Variants in PCDHA2 observed in about 807,000 individuals in gnomAD.
The protein encoded by PCDHA2 is protocadherin alpha 2.
In PCDHA2, 58 loss-of-function variants were observed where a neutral mutation model predicts 66.0. The ratio of observed to expected loss-of-function variants is 0.88; its 90% CI spans 0.71 to 1.09. The LOEUF (loss-of-function observed/expected upper bound fraction) is 1.09. PCDHA2 is among the 50% of genes least tolerant of loss of function. PCDHA2 has a pLI of 0.00. For missense variants in PCDHA2, 1,267 were observed against 1,242.3 expected (o/e 1.02, Z -0.30); for synonymous variants, 634 against 554.0 (o/e 1.14, Z -2.03).
chr5:140,927,450 G>A (rs782619485), intron 1 of PCDHA2: 3 of 1,614,188 alleles, frequency 1.9e-6, no homozygotes, highest in South Asian at 1.1e-5. Context: ...CGGAGTTGGT[G>A]TTGGAGAAAG....
intron 1 of PCDHA2, chr5:140,822,495 A>C (rs2150116798): frequency 6.2e-7 from 1 of 1,613,888 alleles, no homozygotes; most frequent in Non-Finnish European, 8.5e-7. Context: ...ACGCCCCAGA[A>C]TTTGATAAAT....
chr5:140,817,760 A>C (rs1766196831), intron 1 of PCDHA2, among the ~76,000 whole-genome samples: 2 of 152,206 alleles, frequency 1.3e-5, no homozygotes, highest in African/African-American at 4.8e-5. Context: ...TTCTGAAGAA[A>C]TTAACATTTC....
chr5:140,852,129 C>T (rs2042245206), intron 1 of PCDHA2: 2 of 891,056 alleles, frequency 2.2e-6, no homozygotes, highest in South Asian at 5.1e-5. Context: ...ATTAAAAACT[C>T]AGTAGAGAAA....
intron 1 of PCDHA2, chr5:140,862,879 G>T: frequency 1.8e-6 from 1 of 567,506 alleles, no homozygotes. Context: ...AGGTATTAGT[G>T]CTGGAACGAC....
intron 1 of PCDHA2, chr5:140,869,778 C>T (rs782226363): frequency 4.0e-5 from 65 of 1,612,804 alleles, no homozygotes; most frequent in Admixed American, 5.0e-5. Flanking sequence ...TTACTGGCAC[C>T]GTTCGGCTGT....
In PCDHA2 at chr5:140,869,686, A is replaced by T. The variant is rs782130952; in HGVS notation, c.2388+72334A>T. ...TAAGCAGATTAAAAGACTGTCACTT[A>T]TTTTAAAGAAGTCTCTGGATAGAGA... On this transcript the variant is annotated intron_variant, in intron 1 of 3. Transcript: ENST00000526136. The T allele has an allele frequency of 5.6e-6, 9 of 1,613,330 alleles. No homozygotes were observed. In the African/African-American group the frequency reaches 1.2e-4, roughly 22 times the overall value.
intron 1 of PCDHA2, among the ~76,000 whole-genome samples, chr5:140,951,086 T>A (rs2094547457): frequency 6.6e-6 from 1 of 152,066 alleles, no homozygotes; most frequent in Admixed American, 6.5e-5. Context: ...ATTTTCCTTT[T>A]TTTCTGATAA....
chr5:140,890,772 C>T (rs2062796545), intron 1 of PCDHA2, among the ~76,000 whole-genome samples: 1 of 152,118 alleles, frequency 6.6e-6, no homozygotes, highest in South Asian at 2.1e-4. Context: ...TATTTTAAAA[C>T]CCCATAAGAT....
intron 2 of PCDHA2, among the ~76,000 whole-genome samples, chr5:140,981,879 A>G (rs1472110145): frequency 3.9e-5 from 6 of 152,158 alleles, no homozygotes; most frequent in Non-Finnish European, 7.3e-5. Context: ...TGCTGAATTA[A>G]TCTCTTCTGA....
At chr5:141,003,750 A>T (rs868985181) in intron 3 of PCDHA2, among the ~76,000 whole-genome samples, 3 of 152,226 alleles carry the variant, frequency 2.0e-5, no homozygotes, top group African/African-American at 7.2e-5. Flanking sequence ...CATATTTTGT[A>T]TAATTATGGT....
chr5:140,804,920 T>C (rs913394300), intron 1 of PCDHA2: 13 of 979,494 alleles, frequency 1.3e-5, no homozygotes, highest in Non-Finnish European at 1.7e-5. Flanking sequence ...TATTTCCTTT[T>C]TTGGCACTAT....
At chr5:140,942,907 C>T (rs990206907) in intron 1 of PCDHA2, among the ~76,000 whole-genome samples, 14 of 151,044 alleles carry the variant, frequency 9.3e-5, no homozygotes, top group Non-Finnish European at 1.6e-4. Flanking sequence ...TAAGAATAAG[C>T]GTGAAGAAAA....
At chr5:140,926,155 T>TGCAGCAGGATCCAGCGCGGAAAGCCCC (rs1563077309) in intron 1 of PCDHA2, among the ~76,000 whole-genome samples, 3 of 152,076 alleles carry the variant, frequency 2.0e-5, no homozygotes, top group African/African-American at 4.8e-5. Context: ...CGGAAAGCTC[T>TGCAGCAGGATCCAGCGCGGAAAGCCCC]GCAGCAGGAT....
At chr5:140,857,449 C>T (rs2044602345) in intron 1 of PCDHA2, 1 of 1,598,510 alleles carries the variant, frequency 6.3e-7, no homozygotes, top group East Asian at 2.2e-5. Context: ...AGGAGAACAA[C>T]CCGCCAGGCT....
intron 1 of PCDHA2, chr5:140,803,813 G>A: frequency 1.4e-6 from 1 of 696,392 alleles, no homozygotes; most frequent in Non-Finnish European, 2.3e-6. Context: ...ATTTTGTTTT[G>A]TTATTAGGTG....
chr5:140,848,720 G>A, intron 1 of PCDHA2: 1 of 1,592,556 alleles, frequency 6.3e-7, no homozygotes, highest in Non-Finnish European at 8.6e-7. Flanking sequence ...GGGACCTTCT[G>A]GAGGTAAATC....
intron 1 of PCDHA2, chr5:140,851,076 A>G: frequency 7.5e-7 from 1 of 1,337,516 alleles, no homozygotes; most frequent in Non-Finnish European, 9.8e-7. Flanking sequence ...AGAATTATAA[A>G]CTGTATATTA....
intron 1 of PCDHA2, chr5:140,828,452 G>T (rs782092268): frequency 6.2e-7 from 1 of 1,614,284 alleles, no homozygotes; most frequent in Middle Eastern, 1.6e-4. Context: ...CCATGTGGAC[G>T]TGGAGGTGAG....
At chr5:140,800,895 A>T (rs1173527528) in intron 1 of PCDHA2, 5 of 376,294 alleles carry the variant, frequency 1.3e-5, no homozygotes, top group Non-Finnish European at 2.2e-5. Flanking sequence ...GACTTTGAGG[A>T]GTGACCGAAG....
Sources: gnomAD v4.1 joint callset for allele counts (sites outside exome capture counted in the v4.1 genomes callset) on GRCh38, gnomAD v4.1.1 for gene constraint, MANE v1.5 for transcripts, NCBI Gene and HGNC (gene_info 2026-07-23, HGNC 2026-07-21) for gene names.